The following SP110 variants were observed in gnomAD, a reference collection of about 807,000 sequenced individuals.
SP110 encodes the protein interferon-induced protein 41, 30kD.
SP110 carries 62 observed loss-of-function variants against 92.7 expected under a neutral mutation model. The ratio of observed to expected loss-of-function variants is 0.67; its 90% confidence interval spans 0.55 to 0.83. The LOEUF (loss-of-function observed/expected upper bound fraction) is 0.83, where lower values mean the gene tolerates loss of function less well. Among genes scored for constraint, SP110 ranks in the 40% least tolerant of loss-of-function variants. SP110 has a pLI of 0.00. For missense variants in SP110, 793 were observed against 863.9 expected (o/e 0.92, Z 1.03); for synonymous variants, 273 against 305.3 (o/e 0.89, Z 1.10).
At position 230,170,681 on chromosome 2, in the gene SP110, C is replaced by G. The variant is rs149050898; in HGVS notation, c.1968G>C (p.Thr656=). Residue 656 remains threonine (T), a synonymous_variant, in exon 18 of 19, where the codon ACG becomes ACC. Coordinates refer to ENST00000258381, the MANE Select transcript of SP110 (RefSeq NM_080424.4). The stretch of plus-strand genomic sequence containing the variant: ...GCATGTCTCGCACAAACCATGCCAC[C>G]GTGTACATTTCCGTAATCAGCCTTT... ...VKERLITEMY[T]VAWFVRDMRL... The G allele has an allele frequency of 6.2e-7, 1 of 1,614,094 alleles. No homozygotes were observed. Among genetic ancestry groups the G allele is most frequent in the Non-Finnish European group, 8.5e-7 (1 of 1,180,000 alleles).
intron 5 of SP110, 40 bp downstream of exon 5, chr2:230,212,307 T>C (rs1482417557): frequency 2.1e-6 from 3 of 1,455,986 alleles, no homozygotes; most frequent in Non-Finnish European, 2.9e-6. Context: ...CCCTTCACAG[T>C]CACCTTGAGC....
At chr2:230,171,983 G>T in intron 16 of SP110, 83 bp downstream of exon 16, 1 of 916,220 alleles carries the variant, frequency 1.1e-6, no homozygotes, top group Non-Finnish European at 1.8e-6. Context: ...GCTCCCTTTG[G>T]TACATTGCCC....
intron 10 of SP110, among the ~76,000 whole-genome samples, chr2:230,199,138 TA>T: frequency 7.5e-6 from 1 of 133,162 alleles, no homozygotes; most frequent in African/African-American, 3.4e-5. Flanking sequence ...CTATTATTAT[TA>T]TTATTATTAT....
upstream of SP110, among the ~76,000 whole-genome samples, chr2:230,222,513 G>A (rs1287620395): frequency 2.6e-5 from 4 of 152,102 alleles, no homozygotes; most frequent in African/African-American, 7.2e-5. Context: ...GAGCCCAGGT[G>A]TTTGAGACCA....
At chr2:230,203,395 G>C (rs2043384948) in intron 8 of SP110, 1 of 156,152 alleles carries the variant, frequency 6.4e-6, no homozygotes, top group African/African-American at 2.4e-5. Flanking sequence ...CTGCAGGTTA[G>C]AAAGGACACA....
At chr2:230,174,014 T>C (rs1329567243) in intron 14 of SP110, 2 of 152,206 alleles carry the variant, frequency 1.3e-5, no homozygotes, top group Non-Finnish European at 2.9e-5. Flanking sequence ...AGGTGTAACA[T>C]CACCCTGAAG....
intron 10 of SP110, among the ~76,000 whole-genome samples, chr2:230,188,622 T>A (rs1344579342): frequency 6.6e-6 from 1 of 152,214 alleles, no homozygotes; most frequent in Non-Finnish European, 1.5e-5. Context: ...TGGCTGTGGG[T>A]TTGTCATATA....
rs528851743 is a variant in SP110, at chr2:230,166,130, G to A, written c.*2994C>T. On this transcript the variant is annotated 3_prime_UTR_variant, in exon 19 of 19. Transcript: ENST00000258381. ...GCTGGTCTCGATCTCTTGACCTCGC[G>A]ATCCACTCGCCTCAGCCTCCCAAAG... 1.4e-4 allele frequency among the ~76,000 whole-genome samples: 21 copies of A among 152,244 alleles called. No individual in the cohort carries two copies. The highest frequency in any genetic ancestry group is 4.1e-4 in the African/African-American group (17 of 41,544).
Position 230,172,829 on chromosome 2 carries a change from CT to C in SP110, c.1706+14del. The C allele has an allele frequency of 6.5e-7, 1 of 1,544,794 alleles. No individual in the cohort carries two copies. The highest frequency in any genetic ancestry group is 9.0e-7 in the Non-Finnish European group (1 of 1,116,724). Reference sequence around the variant, plus strand: ...TGAGTGCTGTGTGCCCGAGGCGGGGCTGCATCCCACTCACCTCTTGGCTTCC... The same window carrying C: ...TGAGTGCTGTGTGCCCGAGGCGGGGCGCATCCCACTCACCTCTTGGCTTCC... On this transcript the variant is annotated intron_variant, in intron 15 of 18. Coordinates refer to ENST00000258381, the MANE Select transcript of SP110 (RefSeq NM_080424.4).
intron 12 of SP110, among the ~76,000 whole-genome samples, chr2:230,183,345 GCT>G (rs1324560327): frequency 6.6e-6 from 1 of 152,222 alleles, no homozygotes; most frequent in African/African-American, 2.4e-5. Flanking sequence ...TCTTTGTATA[GCT>G]CTGTGTTAAA....
At chr2:230,171,631 G>T in intron 17 of SP110, 65 bp downstream of exon 17, 3 of 1,229,238 alleles carry the variant, frequency 2.4e-6, no homozygotes, top group Non-Finnish European at 3.6e-6. Context: ...TGCAGCACCT[G>T]CCAGATCAGC....
chr2:230,208,911 T>C (rs2044167264), intron 7 of SP110, among the ~76,000 whole-genome samples: 1 of 152,168 alleles, frequency 6.6e-6, no homozygotes, highest in South Asian at 2.1e-4. Flanking sequence ...AATCTTGGAC[T>C]GTGAGTTAGT....
rs776064960 is a variant in SP110, at chr2:230,202,816, C to T, written c.899-88G>A. 1,000 of 1,198,366 alleles carry T rather than the reference C, an allele frequency of 8.3e-4. 2 individuals carry two copies. The highest frequency in any genetic ancestry group is 8.9e-4 in the Non-Finnish European group (717 of 801,574). The allele number at this position is 1,198,366 out of a possible 1,614,324, so 74.2% of individuals were successfully genotyped here. On this transcript the variant is annotated intron_variant, in intron 8 of 18. Coordinates refer to ENST00000258381, the MANE Select transcript of SP110 (RefSeq NM_080424.4). Reference sequence around the variant, plus strand: ...CCAATCAGTGACTTCCCTTCTCATGCCCCTAACTCCCACTCTTTCAGATCT... The same window carrying T: ...CCAATCAGTGACTTCCCTTCTCATGTCCCTAACTCCCACTCTTTCAGATCT...
rs1212167134 is a variant in SP110, at chr2:230,168,370, C to G, written c.*754G>C. On this transcript the variant is annotated 3_prime_UTR_variant, in exon 19 of 19. Coordinates refer to ENST00000258381, the MANE Select transcript of SP110 (RefSeq NM_080424.4). ...GTAACCGAATACTGTTAAAGAGAAG[C>G]TATTTGCAGAATAATTCTGACCAAT... 1 of 149,980 alleles carries G rather than the reference C, an allele frequency of 6.7e-6. No homozygotes were observed. The highest frequency in any genetic ancestry group is 2.5e-5 in the African/African-American group (1 of 40,674). The allele number at this position is 149,980 out of a possible 1,614,324, so 9.3% of individuals were successfully genotyped here.
intron 15 of SP110, chr2:230,172,432 G>A (rs2078470544): frequency 1.8e-6 from 1 of 570,704 alleles, no homozygotes; most frequent in African/African-American, 1.9e-5. Flanking sequence ...GAGCTGCTGG[G>A]AGCACAAAGG....
chr2:230,198,225 G>A (rs968794593), intron 10 of SP110, among the ~76,000 whole-genome samples: 5 of 152,258 alleles, frequency 3.3e-5, no homozygotes, highest in Non-Finnish European at 4.4e-5. Context: ...TTCCACAGGC[G>A]GGAAAAGAAT....
Position 230,212,402 on chromosome 2 carries a change from C to T in SP110, c.612G>A (p.Met204Ile). ...SVTNDKLTSK[M>I]NAEEDSEEMP... Reference sequence around the variant, plus strand: ...TCTCTTCTGAGTCTTCTTCCGCATTCATTTTGGATGTTAACTTGTCATTGG... The same window carrying T: ...TCTCTTCTGAGTCTTCTTCCGCATTTATTTTGGATGTTAACTTGTCATTGG... Residue 204 changes from methionine to isoleucine, a missense_variant, in exon 5 of 19, where the codon ATG (methionine) becomes ATA (isoleucine). Met to Ile is a conservative substitution (Grantham distance 10). Transcript: ENST00000258381. 1.2e-6 allele frequency: 2 copies of T among 1,612,682 alleles called. No homozygotes were observed. The highest frequency in any genetic ancestry group is 1.7e-6 in the Non-Finnish European group (2 of 1,178,644).
At position 230,216,764 on chromosome 2, in the gene SP110, G is replaced by C. The variant is rs200699664; in HGVS notation, c.147+17C>G. On this transcript the variant is annotated intron_variant, in intron 2 of 18. Coordinates refer to ENST00000258381, the MANE Select transcript of SP110 (RefSeq NM_080424.4). ...GGTGGGGGCTGGGCTGCCATGGAAG[G>C]GTTCAACATGACTCACCATGTACAT... The C allele has an allele frequency of 1.2e-6, 2 of 1,613,472 alleles. No homozygotes were observed. Among genetic ancestry groups the C allele is most frequent in the South Asian group, 2.2e-5 (2 of 91,058 alleles).
At chr2:230,224,540 G>A (rs2148996330), upstream of SP110, among the ~76,000 whole-genome samples, 1 of 151,556 alleles carries the variant, frequency 6.6e-6, no homozygotes. Flanking sequence ...AGAGGAGAGA[G>A]AGAGAGATAC....
Sources: gnomAD v4.1 joint callset for allele counts (sites outside exome capture counted in the v4.1 genomes callset) on GRCh38, gnomAD v4.1.1 for gene constraint, MANE v1.5 for transcripts, NCBI Gene and HGNC (gene_info 2026-07-23, HGNC 2026-07-21) for gene names.